RPTOR: variants seen among roughly 807,000 people sequenced by gnomAD.
The protein encoded by RPTOR is regulatory associated protein of MTOR complex 1.
Under a neutral mutation model 169.9 loss-of-function variants are expected in RPTOR, and 21 were observed. That is an observed-to-expected ratio of 0.12 (90% CI 0.09 to 0.18). RPTOR has a LOEUF of 0.18. Among genes scored for constraint, RPTOR ranks in the 10% least tolerant of loss-of-function variants. The pLI is 1.00. For synonymous variants in RPTOR, 732 were observed against 753.2 expected (o/e 0.97, Z 0.46); for missense variants, 1,133 against 1,855.9 (o/e 0.61, Z 7.16).
chr17:80,622,993 C>T (rs12947696), intron 1 of RPTOR, among the ~76,000 whole-genome samples: 61,168 of 152,006 alleles, frequency 0.4, 12,462 homozygotes, highest in Non-Finnish European at 0.44. Flanking sequence ...TTCCTTTTTC[C>T]TATACAACTT....
intron 7 of RPTOR, chr17:80,805,338 AGC>A (rs1238330327): frequency 3.9e-5 from 6 of 152,310 alleles, no homozygotes; most frequent in Non-Finnish European, 5.9e-5. Context: ...GATGAGATGC[AGC>A]GTGCAGGTGA....
chr17:80,725,622 C>T (rs1292921775), intron 4 of RPTOR, among the ~76,000 whole-genome samples: 1 of 152,166 alleles, frequency 6.6e-6, no homozygotes, highest in Non-Finnish European at 1.5e-5. Flanking sequence ...TTGTTTCTGC[C>T]CCTGCAGCCG....
chr17:80,858,380 AGGGGCCACCCCCTTACAC>A (rs1394252340), intron 13 of RPTOR, among the ~76,000 whole-genome samples: 1 of 152,234 alleles, frequency 6.6e-6, no homozygotes, highest in Non-Finnish European at 1.5e-5. Context: ...CCGAGGTGTT[AGGGGCCACCCCCTTACAC>A]GGGGCTGTCC....
At chr17:80,807,923 A>G (rs958384183) in intron 7 of RPTOR, among the ~76,000 whole-genome samples, 3 of 152,174 alleles carry the variant, frequency 2.0e-5, no homozygotes, top group African/African-American at 7.2e-5. Context: ...CCTTAAGAAA[A>G]CATGCTCCTG....
intron 13 of RPTOR, among the ~76,000 whole-genome samples, chr17:80,876,876 T>G (rs111518956): frequency 8.8e-6 from 1 of 113,786 alleles, no homozygotes; most frequent in African/African-American, 3.4e-5. Flanking sequence ...CCTGCTGGGT[T>G]TTCCACCGAG....
chr17:80,653,084 G>C (rs2065653244), intron 3 of RPTOR, among the ~76,000 whole-genome samples: 1 of 152,146 alleles, frequency 6.6e-6, no homozygotes, highest in Non-Finnish European at 1.5e-5. Flanking sequence ...TGGGTTGTTT[G>C]TCTTTATTGT....
chr17:80,680,104 C>G (rs1428407129), intron 3 of RPTOR, among the ~76,000 whole-genome samples: 1 of 152,188 alleles, frequency 6.6e-6, no homozygotes, highest in East Asian at 1.9e-4. Flanking sequence ...CCCTCCTCAG[C>G]CTGCTGGCTC....
At chr17:80,553,222 G>T (rs2084366466) in intron 1 of RPTOR, among the ~76,000 whole-genome samples, 1 of 152,208 alleles carries the variant, frequency 6.6e-6, no homozygotes, top group Admixed American at 6.5e-5. Context: ...ATCTTTTTCA[G>T]ACTGTGTGTG....
In RPTOR at chr17:80,879,420, C is replaced by G. The variant is rs538109974; in HGVS notation, c.1510-995C>G. On this transcript the variant is annotated intron_variant, in intron 13 of 33. Transcript: ENST00000306801. ...CCCCGCCTGCCCTGCCCCCACCTGC[C>G]CTGCCCCTTTCTCCTCCCACTCCCA... Among the ~76,000 whole-genome samples the G allele has an allele frequency of 2.3e-4, 35 of 149,968 alleles. No homozygotes were observed. In the Middle Eastern group the frequency reaches 0.01, roughly 44 times the overall value.
At chr17:80,852,381 T>A (rs1428953341) in intron 11 of RPTOR, among the ~76,000 whole-genome samples, 1 of 151,786 alleles carries the variant, frequency 6.6e-6, no homozygotes, top group East Asian at 1.9e-4. Flanking sequence ...CAAACCTGAG[T>A]TCCAGGCAGC....
chr17:80,884,091 C>G (rs537828594), intron 16 of RPTOR, 119 bp downstream of exon 16: 2 of 955,464 alleles, frequency 2.1e-6, no homozygotes, highest in East Asian at 2.6e-5. Flanking sequence ...AGGGGCTGCA[C>G]GCTAATAAGA....
chr17:80,883,717 G>A, intron 15 of RPTOR, 64 bp from the exon 16 acceptor site: 2 of 1,564,726 alleles, frequency 1.3e-6, no homozygotes, highest in Non-Finnish European at 1.8e-6. Flanking sequence ...TCCCGTGCAG[G>A]TACCCACCAC....
intron 5 of RPTOR, among the ~76,000 whole-genome samples, chr17:80,750,673 C>G (rs1004785218): frequency 2.0e-5 from 3 of 152,192 alleles, no homozygotes; most frequent in Admixed American, 6.5e-5. Context: ...CACAGCAGAC[C>G]TGGAAACTAA....
chr17:80,798,446 G>A (rs113768232), intron 7 of RPTOR, among the ~76,000 whole-genome samples: 101 of 152,198 alleles, frequency 6.6e-4, no homozygotes, highest in African/African-American at 2.1e-3. Context: ...CTAAAATGCA[G>A]TGATCAAAAG....
At position 80,962,912 on chromosome 17, in the gene RPTOR, C is replaced by T; in HGVS notation, c.3810-16C>T. 6.2e-7 allele frequency: 1 copy of T among 1,613,384 alleles called. No homozygotes were observed. The highest frequency in any genetic ancestry group is 1.1e-5 in the South Asian group (1 of 91,076). On this transcript the variant is annotated splice_polypyrimidine_tract_variant and intron_variant, in intron 32 of 33. Coordinates refer to ENST00000306801, the MANE Select transcript of RPTOR (RefSeq NM_020761.3). Reference sequence around the variant, plus strand: ...AGAAGAGGGCAGTGATGCCGGGACCCTTTCTCTCCCCACAGTGGCTCCGTC... The same window carrying T: ...AGAAGAGGGCAGTGATGCCGGGACCTTTTCTCTCCCCACAGTGGCTCCGTC...
At chr17:80,914,992 T>C (rs2068655805) in intron 21 of RPTOR, among the ~76,000 whole-genome samples, 1 of 152,226 alleles carries the variant, frequency 6.6e-6, no homozygotes, top group Non-Finnish European at 1.5e-5. Context: ...TTCCTCCCCT[T>C]TGAAGCCCAT....
chr17:80,733,840 T>G (rs2066412477), intron 5 of RPTOR, among the ~76,000 whole-genome samples: 1 of 152,274 alleles, frequency 6.6e-6, no homozygotes, highest in South Asian at 2.1e-4. Context: ...CTTTATACTT[T>G]GTAAACTTTG....
intron 1 of RPTOR, among the ~76,000 whole-genome samples, chr17:80,592,267 G>C (rs1483921807): frequency 1.3e-5 from 2 of 152,178 alleles, no homozygotes; most frequent in African/African-American, 4.8e-5. Context: ...GCAGACCTGG[G>C]TAAGGAACTA....
intron 4 of RPTOR, among the ~76,000 whole-genome samples, chr17:80,714,460 T>A (rs1004287683): frequency 9.2e-5 from 14 of 152,238 alleles, no homozygotes; most frequent in African/African-American, 3.1e-4. Flanking sequence ...CTCAATAAAG[T>A]TTGAAAGATT....
Sources: gnomAD v4.1 joint callset for allele counts (sites outside exome capture counted in the v4.1 genomes callset) on GRCh38, gnomAD v4.1.1 for gene constraint, MANE v1.5 for transcripts, NCBI Gene and HGNC (gene_info 2026-07-23, HGNC 2026-07-21) for gene names.